The following MDFIC2 variants were observed in gnomAD, a reference collection of about 807,000 sequenced individuals.
The protein encoded by MDFIC2 is myoD family inhibitor domain-containing protein 2.
intron 2 of MDFIC2, among the ~76,000 whole-genome samples, chr3:70,280,601 T>C (rs1337745201): frequency 2.0e-5 from 3 of 152,148 alleles, no homozygotes; most frequent in African/African-American, 7.2e-5. Context: ...AGAAGCAGCC[T>C]CAGAAGCAAA....
At position 70,312,605 on chromosome 3, in the gene MDFIC2, G is replaced by C. The variant is rs1047124013; in HGVS notation, c.-55C>G. 2 of 152,250 alleles carry C rather than the reference G, an allele frequency of 1.3e-5. No individual in the cohort carries two copies. The highest frequency in any genetic ancestry group is 1.9e-4 in the East Asian group (1 of 5,182). 9.4% of individuals were successfully genotyped at this position (152,250 alleles called of 1,614,324 possible). ...TGGGACTGGGGAGCAGTGAGCTGCA[G>C]CCTCCCTTGTCTCTGGATGTCCAGC... On this transcript the variant is annotated 5_prime_UTR_variant, in exon 1 of 4. Coordinates refer to ENST00000567252, the MANE Select transcript of MDFIC2 (RefSeq NM_001364677.1).
At chr3:70,224,775 G>A (rs998834159) in intron 2 of MDFIC2, among the ~76,000 whole-genome samples, 1 of 151,682 alleles carries the variant, frequency 6.6e-6, no homozygotes, top group Non-Finnish European at 1.5e-5. Flanking sequence ...CCAATTTTGC[G>A]CTCTATTAAA....
At chr3:70,223,071 A>G (rs1701474588) in intron 2 of MDFIC2, among the ~76,000 whole-genome samples, 1 of 152,282 alleles carries the variant, frequency 6.6e-6, no homozygotes, top group Non-Finnish European at 1.5e-5. Context: ...TTAAACAAAG[A>G]GTGATGGAAA....
intron 2 of MDFIC2, among the ~76,000 whole-genome samples, chr3:70,295,384 A>C (rs1333087316): frequency 6.6e-6 from 1 of 152,114 alleles, no homozygotes; most frequent in Non-Finnish European, 1.5e-5. Flanking sequence ...CAACCCTTTG[A>C]CTGAATTATT....
chr3:70,290,239 G>A (rs532097800), intron 2 of MDFIC2, among the ~76,000 whole-genome samples: 1 of 152,096 alleles, frequency 6.6e-6, no homozygotes, highest in Non-Finnish European at 1.5e-5. Context: ...TGGGTTTTTG[G>A]TGTGGATGTC....
intron 2 of MDFIC2, among the ~76,000 whole-genome samples, chr3:70,298,776 A>T (rs1448056337): frequency 6.6e-6 from 1 of 152,096 alleles, no homozygotes; most frequent in Non-Finnish European, 1.5e-5. Context: ...CTTCAAGTAG[A>T]TTTCAAAGCA....
At chr3:70,285,591 T>G (rs1702153078) in intron 2 of MDFIC2, among the ~76,000 whole-genome samples, 1 of 151,842 alleles carries the variant, frequency 6.6e-6, no homozygotes, top group Admixed American at 6.6e-5. Context: ...GATGGCTGTG[T>G]CAAATGGTAT....
intron 2 of MDFIC2, among the ~76,000 whole-genome samples, chr3:70,288,167 A>T (rs1702188398): frequency 7.1e-6 from 1 of 141,046 alleles, no homozygotes; most frequent in African/African-American, 2.7e-5. Context: ...TCAATTTTGG[A>T]TCTTTCCTGC....
intron 2 of MDFIC2, among the ~76,000 whole-genome samples, chr3:70,230,761 G>GT (rs2106744204): frequency 1.3e-5 from 2 of 152,328 alleles, no homozygotes; most frequent in African/African-American, 4.8e-5. Context: ...CCCTCCTTGA[G>GT]TTTTAAAGGC....
chr3:70,249,254 CAG>C (rs1296448925), intron 2 of MDFIC2: 1 of 152,068 alleles, frequency 6.6e-6, no homozygotes, highest in Non-Finnish European at 1.5e-5. Flanking sequence ...TTTGAAGGGA[CAG>C]AACTGGATTC....
At chr3:70,205,180 G>A (rs1443240781) in intron 3 of MDFIC2, 1 of 152,002 alleles carries the variant, frequency 6.6e-6, no homozygotes, top group Non-Finnish European at 1.5e-5. Context: ...AACACTCCTG[G>A]TCTCTGGATT....
intron 2 of MDFIC2, among the ~76,000 whole-genome samples, chr3:70,297,711 A>AT (rs1163824180): frequency 2.6e-5 from 4 of 151,970 alleles, no homozygotes; most frequent in Middle Eastern, 6.8e-3. Flanking sequence ...GTTTATTATT[A>AT]TTTTTTTCCT....
rs1407195603 is a variant in MDFIC2, at chr3:70,196,706, A to T, written c.*220T>A. Among the ~76,000 whole-genome samples, 1 of 152,230 alleles carries T rather than the reference A, an allele frequency of 6.6e-6. No homozygotes were observed. Among genetic ancestry groups the T allele is most frequent in the Non-Finnish European group, 1.5e-5 (1 of 68,042 alleles). Reference sequence around the variant, plus strand: ...TAAGATTTGTTCATCACATGTGATCAAGAATCTTATTTTTCAGTGAGCCAT... The same window carrying T: ...TAAGATTTGTTCATCACATGTGATCTAGAATCTTATTTTTCAGTGAGCCAT... On this transcript the variant is annotated 3_prime_UTR_variant, in exon 4 of 4. Coordinates refer to ENST00000567252, the MANE Select transcript of MDFIC2 (RefSeq NM_001364677.1).
Position 70,246,027 on chromosome 3 carries a change from A to T in MDFIC2, c.89-39237T>A, listed in dbSNP as rs551639555. On this transcript the variant is annotated intron_variant, in intron 2 of 3. Transcript: ENST00000567252. ...ATATAACAATAACTTGCATTGTTAA[A>T]TATATATATGTAGATAGACAGATAG... Among the ~76,000 whole-genome samples, 3 of 151,802 alleles carry T rather than the reference A, an allele frequency of 2.0e-5. No individual in the cohort carries two copies. The Admixed American group carries it at 2.0e-4, about 10-fold the overall frequency.
At chr3:70,204,657 C>CT (rs56842404) in intron 3 of MDFIC2, 32,104 of 144,352 alleles carry the variant, frequency 0.22, 3,765 homozygotes, top group Non-Finnish European at 0.28. Context: ...TATTTTCTTT[C>CT]TTTTTTTTTT....
intron 3 of MDFIC2, among the ~76,000 whole-genome samples, chr3:70,200,989 C>T (rs967275483): frequency 5.3e-5 from 8 of 151,684 alleles, no homozygotes; most frequent in African/African-American, 1.9e-4. Context: ...GTTCATTTCT[C>T]TTCTCCTTCT....
intron 3 of MDFIC2, chr3:70,205,046 CAG>C (rs1384224782): frequency 2.6e-5 from 4 of 152,088 alleles, no homozygotes; most frequent in African/African-American, 9.7e-5. Flanking sequence ...ATCCTGAATT[CAG>C]AGTCATAATC....
intron 2 of MDFIC2, among the ~76,000 whole-genome samples, chr3:70,245,816 C>T (rs1701702659): frequency 6.7e-6 from 1 of 149,088 alleles, no homozygotes; most frequent in Admixed American, 6.7e-5. Flanking sequence ...TTCCTGTCAC[C>T]ATCCAATTTT....
intron 2 of MDFIC2, among the ~76,000 whole-genome samples, chr3:70,227,040 A>G (rs1427103918): frequency 1.3e-5 from 2 of 152,112 alleles, no homozygotes; most frequent in Non-Finnish European, 2.9e-5. Flanking sequence ...TCCTGGGAAA[A>G]TATACCATAT....
Sources: allele counts gnomAD v4.1 joint callset (sites outside exome capture counted in the v4.1 genomes callset), GRCh38; gene constraint gnomAD v4.1.1; transcripts MANE v1.5; gene names NCBI Gene and HGNC (gene_info 2026-07-23, HGNC 2026-07-21).